The following TENM4 variants were observed in gnomAD, a reference collection of about 807,000 sequenced individuals.
TENM4 encodes teneurin-4.
In TENM4, 82 loss-of-function variants were observed where a neutral mutation model predicts 243.3. The observed-to-expected ratio is 0.34, with a 90% CI of 0.28 to 0.40. The LOEUF (loss-of-function observed/expected upper bound fraction) is 0.40. Among genes scored for constraint, TENM4 ranks in the 10% least tolerant of loss-of-function variants. The pLI, the probability that TENM4 is intolerant of heterozygous loss-of-function variation, is 1.00. For synonymous variants in TENM4, 1,412 were observed against 1,456.3 expected (o/e 0.97, Z 0.69); for missense variants, 3,138 against 3,673.3 (o/e 0.85, Z 3.77).
At chr11:79,428,668 A>G (rs1231765610) in intron 1 of TENM4, among the ~76,000 whole-genome samples, 1 of 152,190 alleles carries the variant, frequency 6.6e-6, no homozygotes, top group East Asian at 1.9e-4. Flanking sequence ...TTGGAATCAG[A>G]AGAGGACAGG....
chr11:78,917,449 G>T lies in TENM4; in HGVS notation c.494-13926C>A, dbSNP rs1327788447. Among the ~76,000 whole-genome samples, 3 of 152,192 alleles carry T rather than the reference G, an allele frequency of 2.0e-5. No homozygotes were observed. The East Asian group carries it at 5.8e-4, about 29-fold the overall frequency. ...TCTAACTAAGTGTACAAATCAGAGA[G>T]ATGCTTTTCATCATTTACGACTGAC... On this transcript the variant is annotated intron_variant, in intron 6 of 33. Coordinates refer to ENST00000278550, the MANE Select transcript of TENM4 (RefSeq NM_001098816.3).
chr11:79,063,166 G>A (rs1454469296), intron 6 of TENM4, among the ~76,000 whole-genome samples: 1 of 152,106 alleles, frequency 6.6e-6, no homozygotes, highest in Non-Finnish European at 1.5e-5. Context: ...GACCCTAAGG[G>A]GATACATTTC....
At chr11:78,910,993 C>T (rs1174525720) in intron 6 of TENM4, among the ~76,000 whole-genome samples, 1 of 152,216 alleles carries the variant, frequency 6.6e-6, no homozygotes, top group Admixed American at 6.5e-5. Context: ...ACCTTGAGGT[C>T]ATAATATGGC....
intron 28 of TENM4, 134 bp from the exon 29 acceptor site, chr11:78,688,360 C>T: frequency 2.1e-6 from 2 of 967,742 alleles, no homozygotes; most frequent in Admixed American, 2.4e-5. Context: ...CCATGTCTCC[C>T]ACATATCTTG....
chr11:79,338,377 G>A (rs186860024), intron 1 of TENM4, among the ~76,000 whole-genome samples: 10 of 152,322 alleles, frequency 6.6e-5, no homozygotes, highest in Admixed American at 2.6e-4. Context: ...TTCAACTCCC[G>A]TTCAGCACTG....
At chr11:79,056,305 A>G (rs2136954794) in intron 6 of TENM4, among the ~76,000 whole-genome samples, 1 of 152,230 alleles carries the variant, frequency 6.6e-6, no homozygotes, top group African/African-American at 2.4e-5. Flanking sequence ...GTCTTAATTT[A>G]CCATGGCTCT....
intron 4 of TENM4, chr11:79,097,316 A>G (rs1423988050): frequency 6.6e-6 from 1 of 152,168 alleles, no homozygotes; most frequent in Non-Finnish European, 1.5e-5. Flanking sequence ...TCTTTGGGTA[A>G]GTTTGACAAA....
intron 15 of TENM4, among the ~76,000 whole-genome samples, chr11:78,803,970 A>G (rs950417690): frequency 2.6e-5 from 4 of 152,236 alleles, no homozygotes; most frequent in Non-Finnish European, 5.9e-5. Flanking sequence ...TTGAACATCA[A>G]TTCTCTATTC....
At chr11:79,104,316 AAAGAAAATAAT>A (rs2137086114) in intron 4 of TENM4, among the ~76,000 whole-genome samples, 1 of 152,366 alleles carries the variant, frequency 6.6e-6, no homozygotes, top group Admixed American at 6.5e-5. Flanking sequence ...AGAAAAGAAT[AAAGAAAATAAT>A]AAGGACTCCC....
intron 6 of TENM4, among the ~76,000 whole-genome samples, chr11:78,976,810 A>G (rs1030363842): frequency 2.6e-5 from 4 of 152,000 alleles, no homozygotes; most frequent in African/African-American, 9.7e-5. Context: ...TTTTTTTTTG[A>G]TCCTAAATTG....
At chr11:78,812,036 C>G in intron 14 of TENM4, 86 bp downstream of exon 14, 1 of 1,464,714 alleles carries the variant, frequency 6.8e-7, no homozygotes. Context: ...CAGGAGGCTT[C>G]CCCTGCTCCC....
intron 32 of TENM4, among the ~76,000 whole-genome samples, chr11:78,662,216 G>A (rs1423749145): frequency 1.3e-5 from 2 of 150,050 alleles, no homozygotes; most frequent in Non-Finnish European, 3.0e-5. Flanking sequence ...TTTTGAGATG[G>A]AGTCTTGCTC....
intron 9 of TENM4, among the ~76,000 whole-genome samples, chr11:78,883,089 A>C (rs1855470775): frequency 6.6e-6 from 1 of 152,220 alleles, no homozygotes; most frequent in Admixed American, 6.5e-5. Context: ...CTTACAGGAC[A>C]ATCCACTCCT....
At chr11:79,284,053 G>A (rs1244982343) in intron 2 of TENM4, among the ~76,000 whole-genome samples, 1 of 152,144 alleles carries the variant, frequency 6.6e-6, no homozygotes, top group Non-Finnish European at 1.5e-5. Flanking sequence ...AGAAATTAAA[G>A]CCGCCTTGAA....
Position 78,732,480 on chromosome 11 carries a change from G to T in TENM4, c.2974C>A (p.Arg992Ser). The change falls in exon 21 of 34, where the codon CGC (arginine) becomes AGC (serine). Residue 992 changes from arginine (R) to serine (S), a missense_variant. Arg to Ser is a moderately radical substitution (Grantham distance 110). This residue lies in a region of TENM4 where 2,467 missense variants were observed against 3,059.1 expected (regional missense o/e 0.81). Coordinates refer to ENST00000278550, the MANE Select transcript of TENM4 (RefSeq NM_001098816.3). ...QEHTLWLPWD[R>S]FFVMETIIMR... ...ATGATGGTTTCCATGACAAAGAAGC[G>T]ATCCCATGGCAGCCACAGGGTGTGC... 6.2e-7 allele frequency: 1 copy of T among 1,613,696 alleles called. No homozygotes were observed. The highest frequency in any genetic ancestry group is 1.1e-5 in the South Asian group (1 of 90,996).
intron 12 of TENM4, among the ~76,000 whole-genome samples, chr11:78,850,868 G>A (rs189102614): frequency 2.3e-4 from 35 of 152,280 alleles, no homozygotes; most frequent in Admixed American, 5.2e-4. Context: ...TCAGAGAGGT[G>A]GCATGACTGT....
chr11:78,852,593 G>A (rs1858566205), intron 12 of TENM4, among the ~76,000 whole-genome samples: 1 of 152,146 alleles, frequency 6.6e-6, no homozygotes, highest in Non-Finnish European at 1.5e-5. Flanking sequence ...CAAGGCAGGA[G>A]GATCACCCGA....
intron 4 of TENM4, among the ~76,000 whole-genome samples, chr11:79,092,619 A>C (rs538225594): frequency 2.0e-5 from 3 of 152,346 alleles, no homozygotes; most frequent in African/African-American, 7.2e-5. Context: ...TTTTAACTAA[A>C]GAGTAGGCGG....
chr11:78,802,974 C>T (rs1259251630), intron 15 of TENM4, among the ~76,000 whole-genome samples: 1 of 152,060 alleles, frequency 6.6e-6, no homozygotes, highest in Non-Finnish European at 1.5e-5. Flanking sequence ...TTTTAATCAT[C>T]ATCATAACAA....
Sources: gnomAD v4.1 joint callset for allele counts (sites outside exome capture counted in the v4.1 genomes callset) on GRCh38, gnomAD v4.1.1 for gene constraint, gnomAD v4.1.1 regional missense constraint, MANE v1.5 for transcripts, NCBI Gene and HGNC (gene_info 2026-07-23, HGNC 2026-07-21) for gene names.